The following CDKAL1 variants were observed in gnomAD, a reference collection of about 807,000 sequenced individuals.
The protein encoded by CDKAL1 is CDKAL1 threonylcarbamoyladenosine tRNA methylthiotransferase.
In CDKAL1, 32 loss-of-function variants were observed where a neutral mutation model predicts 68.2. The observed-to-expected ratio is 0.47, with a 90% confidence interval of 0.35 to 0.63. CDKAL1 has a LOEUF of 0.63. Ranked by LOEUF, CDKAL1 falls within the 30% of genes least tolerant of loss-of-function variation. CDKAL1 has a pLI of 0.00. For synonymous variants in CDKAL1, 234 were observed against 244.3 expected, an observed-to-expected ratio of 0.96 and a Z score of 0.39; for missense variants, 606 against 696.7, an observed-to-expected ratio of 0.87 and a Z score of 1.47.
intron 13 of CDKAL1, among the ~76,000 whole-genome samples, chr6:21,145,670 G>A (rs1776129883): frequency 6.6e-6 from 1 of 152,212 alleles, no homozygotes; most frequent in Admixed American, 6.5e-5. Flanking sequence ...ACAGTCCAAA[G>A]AAGCAAAGTC....
At chr6:20,936,574 G>C (rs1429720908) in intron 9 of CDKAL1, among the ~76,000 whole-genome samples, 1 of 151,798 alleles carries the variant, frequency 6.6e-6, no homozygotes, top group Non-Finnish European at 1.5e-5. Flanking sequence ...TATATCCCTT[G>C]GGGAACTTCA....
chr6:20,579,028 A>G (rs566977234), intron 4 of CDKAL1, among the ~76,000 whole-genome samples: 1 of 152,294 alleles, frequency 6.6e-6, no homozygotes, highest in South Asian at 2.1e-4. Flanking sequence ...CCCAGGCTGG[A>G]GTGCAGCAGC....
intron 4 of CDKAL1, among the ~76,000 whole-genome samples, chr6:20,595,295 T>C (rs1436561879): frequency 6.6e-6 from 1 of 152,184 alleles, no homozygotes; most frequent in Non-Finnish European, 1.5e-5. Flanking sequence ...TCCCCATCAC[T>C]TTCAGGTACA....
intron 8 of CDKAL1, among the ~76,000 whole-genome samples, chr6:20,782,347 T>A (rs769267938): frequency 4.6e-5 from 7 of 152,194 alleles, no homozygotes; most frequent in African/African-American, 1.7e-4. Context: ...CCCAAACTTA[T>A]CAAGCTCAGA....
chr6:20,667,400 G>A (rs928556806), intron 5 of CDKAL1, among the ~76,000 whole-genome samples: 7 of 152,120 alleles, frequency 4.6e-5, no homozygotes, highest in Non-Finnish European at 8.8e-5. Flanking sequence ...ATACCTGAAT[G>A]GGTGCGAATG....
chr6:21,123,678 A>C (rs1489584219), intron 13 of CDKAL1, among the ~76,000 whole-genome samples: 1 of 152,218 alleles, frequency 6.6e-6, no homozygotes, highest in South Asian at 2.1e-4. Context: ...ACATGGGTGA[A>C]GTTCACTCCC....
chr6:21,186,049 C>T (rs1172950031), intron 13 of CDKAL1, among the ~76,000 whole-genome samples: 9 of 137,886 alleles, frequency 6.5e-5, no homozygotes, highest in African/African-American at 2.2e-4. Flanking sequence ...CAGGGTCTCC[C>T]GGAGCTAAGC....
At chr6:20,857,788 C>T (rs1203661649) in intron 9 of CDKAL1, among the ~76,000 whole-genome samples, 1 of 152,098 alleles carries the variant, frequency 6.6e-6, no homozygotes, top group Non-Finnish European at 1.5e-5. Context: ...AAATCTGGGC[C>T]AGTTTTCTCT....
chr6:20,891,921 G>A (rs147771817), intron 9 of CDKAL1, among the ~76,000 whole-genome samples: 92 of 152,178 alleles, frequency 6.0e-4, no homozygotes, highest in East Asian at 3.3e-3. Flanking sequence ...TCTTATCTAC[G>A]GAGTTGTTTT....
At chr6:20,645,172 G>A (rs1315886137) in intron 4 of CDKAL1, among the ~76,000 whole-genome samples, 1 of 152,060 alleles carries the variant, frequency 6.6e-6, no homozygotes, top group East Asian at 1.9e-4. Context: ...GTGAGTGGGT[G>A]GTGAGTGAAT....
intron 5 of CDKAL1, among the ~76,000 whole-genome samples, chr6:20,702,668 C>T (rs1220951571): frequency 1.3e-5 from 2 of 152,086 alleles, no homozygotes; most frequent in African/African-American, 2.4e-5. Flanking sequence ...GTGTTTTCTT[C>T]GCCGATGTGT....
intron 12 of CDKAL1, among the ~76,000 whole-genome samples, chr6:21,077,339 C>T (rs1772127429): frequency 6.6e-6 from 1 of 152,082 alleles, no homozygotes; most frequent in Non-Finnish European, 1.5e-5. Context: ...AGCAATGAGA[C>T]CTAATATGGT....
chr6:21,131,927 A>G (rs942118814), intron 13 of CDKAL1, among the ~76,000 whole-genome samples: 3 of 152,164 alleles, frequency 2.0e-5, no homozygotes, highest in Non-Finnish European at 4.4e-5. Flanking sequence ...CATCAGTAAG[A>G]CTTTAAAATG....
intron 13 of CDKAL1, among the ~76,000 whole-genome samples, chr6:21,196,416 T>C (rs1778472328): frequency 6.6e-6 from 1 of 152,216 alleles, no homozygotes; most frequent in Non-Finnish European, 1.5e-5. Context: ...AAATTTCTTT[T>C]TTTACACTTG....
chr6:20,961,862 A>G (rs180991816), intron 10 of CDKAL1, among the ~76,000 whole-genome samples: 1 of 152,288 alleles, frequency 6.6e-6, no homozygotes, highest in Admixed American at 6.5e-5. Flanking sequence ...CCCCCAAGTC[A>G]TAAGTTTACA....
At chr6:20,558,438 A>G (rs1021218858) in intron 4 of CDKAL1, 1 of 420,214 alleles carries the variant, frequency 2.4e-6, no homozygotes, top group Non-Finnish European at 4.8e-6. Context: ...GTAAAATGAG[A>G]TTTCTGGGCA....
chr6:20,806,683 T>C (rs1015196591), intron 8 of CDKAL1, among the ~76,000 whole-genome samples: 6 of 152,162 alleles, frequency 3.9e-5, no homozygotes, highest in African/African-American at 9.7e-5. Context: ...TCTGAGATGG[T>C]ATCTCAGACC....
In CDKAL1 at chr6:20,992,031, C is replaced by CTTTTTTT. The variant is rs71530401; in HGVS notation, c.910-8180_910-8174dup. On this transcript the variant is annotated intron_variant, in intron 10 of 15. Coordinates refer to ENST00000274695, the MANE Select transcript of CDKAL1 (RefSeq NM_017774.3). ...TTTCCCCCACCTTTTTTTTTCTTTT[C>CTTTTTTT]TTTTTTTTTTTTTTTTTTTTTTGAG... is the stretch of plus-strand genomic sequence containing the variant. 4.2e-3 allele frequency among the ~76,000 whole-genome samples: 426 copies of CTTTTTTT among 100,398 alleles called. 1 individual carries two copies. Among genetic ancestry groups the CTTTTTTT allele is most frequent in the Middle Eastern group, 6.6e-3 (1 of 152 alleles). 65.9% of individuals were successfully genotyped at this position (100,398 alleles called of 152,430 possible).
At chr6:21,067,009 CAT>C (rs1165292713) in intron 12 of CDKAL1, among the ~76,000 whole-genome samples, 7 of 152,196 alleles carry the variant, frequency 4.6e-5, no homozygotes, top group Non-Finnish European at 1.0e-4. Context: ...TTTCTGTTCT[CAT>C]AGTTCAATCT....
Sources: gnomAD v4.1 joint callset for allele counts (sites outside exome capture counted in the v4.1 genomes callset) on GRCh38, gnomAD v4.1.1 for gene constraint, MANE v1.5 for transcripts, NCBI Gene and HGNC (gene_info 2026-07-23, HGNC 2026-07-21) for gene names.